Variants in DCPS observed in about 807,000 individuals in gnomAD.
The protein encoded by DCPS is m7GpppX diphosphatase.
A neutral mutation model predicts 34.7 loss-of-function variants in DCPS; 27 were observed. That is an observed-to-expected ratio of 0.78 (90% CI 0.57 to 1.07). The LOEUF is 1.07. Ranked by LOEUF, DCPS falls within the 50% of genes least tolerant of loss-of-function variation. The pLI is 0.00. For missense variants in DCPS, 464 were observed against 436.9 expected (o/e 1.06, Z -0.55); for synonymous variants, 185 against 185.7 (o/e 1.00, Z 0.03).
Position 126,331,113 on chromosome 11 carries a change from C to G in DCPS, c.377-292C>G, listed in dbSNP as rs1004039594. Among the ~76,000 whole-genome samples the G allele has an allele frequency of 6.6e-6, 1 of 152,148 alleles. No homozygotes were observed. Among genetic ancestry groups the G allele is most frequent in the Non-Finnish European group, 1.5e-5 (1 of 68,032 alleles). Reference sequence around the variant, plus strand: ...GGTATGTGAGAAGAGTTAGAGACCTCTCATTCCTGTGCCTGGAAGATGGAG... The same window carrying G: ...GGTATGTGAGAAGAGTTAGAGACCTGTCATTCCTGTGCCTGGAAGATGGAG... On this transcript the variant is annotated intron_variant, in intron 2 of 5. Transcript: ENST00000263579. The surrounding 1 kb of genome is among the most constrained non-coding windows in gnomAD (Gnocchi z 7.2).
Position 126,334,768 on chromosome 11 carries a change from T to G in DCPS, c.522+3218T>G, listed in dbSNP as rs1030333158. 3.3e-5 allele frequency among the ~76,000 whole-genome samples: 5 copies of G among 152,364 alleles called. No homozygotes were observed. In the East Asian group the frequency reaches 7.7e-4, roughly 23 times the overall value. The stretch of plus-strand genomic sequence containing the variant: ...TGGCTCCTTAGATGTGAGGTACTTA[T>G]AACTTCCCAGTAAAAACTGCAGTGG... On this transcript the variant is annotated intron_variant, in intron 3 of 5. Transcript: ENST00000263579. This position sits in a 1 kb window ranked among gnomAD's most constrained non-coding sequence, Gnocchi z 5.5.
At chr11:126,310,024 G>A (rs1190144806) in intron 2 of DCPS, among the ~76,000 whole-genome samples, 1 of 152,158 alleles carries the variant, frequency 6.6e-6, no homozygotes, top group Non-Finnish European at 1.5e-5. Context: ...CTCTGTTCCA[G>A]ATTTTTACCA....
rs774065927 is a variant in DCPS at position 126,304,139 on chromosome 11, C to T, written c.59C>T (p.Ala20Val). The T allele has an allele frequency of 6.2e-7, 1 of 1,614,122 alleles. No individual in the cohort carries two copies. The highest frequency in any genetic ancestry group is 2.2e-5 in the East Asian group (1 of 44,886). The change falls in exon 1 of 6, where the codon GCC (alanine) becomes GTC (valine). Residue 20 changes from alanine (A) to valine (V), a missense_variant. Ala to Val is a moderately conservative substitution (Grantham distance 64, BLOSUM62 0). Transcript: ENST00000263579. ...AAGCGCGAATTGGACGTGGAGGAGG[C>T]CCACGCCGCCAGCACAGAGGAAAAG... ...KRKRELDVEE[A>V]HAASTEEKEA...
At position 126,332,602 on chromosome 11, in the gene DCPS, A is replaced by G. The variant is rs893106186; in HGVS notation, c.522+1052A>G. Among the ~76,000 whole-genome samples the G allele has an allele frequency of 2.6e-5, 4 of 152,082 alleles. No individual in the cohort carries two copies. The highest frequency in any genetic ancestry group is 9.7e-5 in the African/African-American group (4 of 41,400). Reference sequence around the variant, plus strand: ...CTGTGTGTGTGGGCACTGCAAGGTGAATTGTACTTGACAGGAGTAAGGAAA... The same window carrying G: ...CTGTGTGTGTGGGCACTGCAAGGTGGATTGTACTTGACAGGAGTAAGGAAA... On this transcript the variant is annotated intron_variant, in intron 3 of 5. Coordinates refer to ENST00000263579, the MANE Select transcript of DCPS (RefSeq NM_014026.6). The surrounding 1 kb of genome is among the most constrained non-coding windows in gnomAD (Gnocchi z 5.4).
In DCPS at chr11:126,345,026, G is replaced by A. The variant is rs1951906810; in HGVS notation, c.748-321G>A. 1.3e-5 allele frequency among the ~76,000 whole-genome samples: 2 copies of A among 152,196 alleles called. No homozygotes were observed. Among genetic ancestry groups the A allele is most frequent in the Admixed American group, 1.3e-4 (2 of 15,276 alleles). On this transcript the variant is annotated intron_variant, in intron 5 of 5. Transcript: ENST00000263579. The surrounding 1 kb of genome is among the most constrained non-coding windows in gnomAD (Gnocchi z 7.4). ...ATCTGGGGCCTGTCTGTAGACACTGGGCCTTCCAAGATTCCCAGCAGCAAC... is the reference window on the plus strand; with the variant it reads ...ATCTGGGGCCTGTCTGTAGACACTGAGCCTTCCAAGATTCCCAGCAGCAAC...
In DCPS at chr11:126,331,867, G is replaced by A. The variant is rs886297726; in HGVS notation, c.522+317G>A. ...CAATTGCCATTTTATATCGCATGGC[G>A]AGAGAAGGCTTTGGGGGTGGGGGAA... On this transcript the variant is annotated intron_variant, in intron 3 of 5. Transcript: ENST00000263579. This position sits in a 1 kb window ranked among gnomAD's most constrained non-coding sequence, Gnocchi z 7.2. 2.0e-5 allele frequency among the ~76,000 whole-genome samples: 3 copies of A among 152,150 alleles called. No individual in the cohort carries two copies. The highest frequency in any genetic ancestry group is 2.9e-5 in the Non-Finnish European group (2 of 68,042).
At chr11:126,326,361 G>A (rs1001839472) in intron 2 of DCPS, among the ~76,000 whole-genome samples, 2 of 152,146 alleles carry the variant, frequency 1.3e-5, no homozygotes, top group Non-Finnish European at 2.9e-5. Flanking sequence ...TGTGGGTCCC[G>A]GCCCTGAGCA....
At position 126,319,768 on chromosome 11, in the gene DCPS, T is replaced by C. The variant is rs1236491909; in HGVS notation, c.377-11637T>C. Among the ~76,000 whole-genome samples the C allele has an allele frequency of 6.6e-6, 1 of 152,148 alleles. No homozygotes were observed. The highest frequency in any genetic ancestry group is 1.5e-5 in the Non-Finnish European group (1 of 68,030). On this transcript the variant is annotated intron_variant, in intron 2 of 5. Coordinates refer to ENST00000263579, the MANE Select transcript of DCPS (RefSeq NM_014026.6). This position sits in a 1 kb window ranked among gnomAD's most constrained non-coding sequence, Gnocchi z 4.5. The stretch of plus-strand genomic sequence containing the variant: ...ATCTTAGGAACGGCCCGAAAGAGGT[T>C]GGGCCTTTGGGATACGGGAGTATTG...
chr11:126,304,126 G>T lies in DCPS; in HGVS notation c.46G>T (p.Asp16Tyr). The change falls in exon 1 of 6, where the codon GAC becomes TAC. Residue 16 changes from aspartate (D) to tyrosine (Y), a missense_variant. Physicochemically the swap from Asp to Tyr is radical, Grantham distance 160. Transcript: ENST00000263579. Reference protein sequence around the residue: ...PQLGKRKRELDVEEAHAASTE... With the variant: ...PQLGKRKRELYVEEAHAASTE... ...ACTAGGCAAGAGGAAGCGCGAATTG[G>T]ACGTGGAGGAGGCCCACGCCGCCAG... 6.2e-7 allele frequency: 1 copy of T among 1,613,934 alleles called. No individual in the cohort carries two copies. Among genetic ancestry groups the T allele is most frequent in the South Asian group, 1.1e-5 (1 of 91,056 alleles).
At chr11:126,343,443 G>T (rs768293961) in intron 5 of DCPS, 26 bp downstream of exon 5, 21 of 1,562,154 alleles carry the variant, frequency 1.3e-5, no homozygotes, top group Non-Finnish European at 1.8e-5. Flanking sequence ...AAACCACGTG[G>T]AAGCTCAGAG....
chr11:126,304,385 A>C, intron 1 of DCPS, 104 bp downstream of exon 1: 1 of 1,335,000 alleles, frequency 7.5e-7, no homozygotes, highest in East Asian at 2.4e-5. Flanking sequence ...AATACCAATC[A>C]TTATCACTCC....
intron 5 of DCPS, 67 bp downstream of exon 5, chr11:126,343,484 G>A (rs1951893803): frequency 3.0e-6 from 4 of 1,349,242 alleles, no homozygotes; most frequent in Non-Finnish European, 4.1e-6. Flanking sequence ...TGTGTTCCTG[G>A]GCCCCTTTCC....
Position 126,346,533 on chromosome 11 carries a change from G to A in DCPS, c.*920G>A, listed in dbSNP as rs1183771229. On this transcript the variant is annotated 3_prime_UTR_variant, in exon 6 of 6. Coordinates refer to ENST00000263579, the MANE Select transcript of DCPS (RefSeq NM_014026.6). The surrounding 1 kb of genome is among the most constrained non-coding windows in gnomAD (Gnocchi z 4.1). Reference sequence around the variant, plus strand: ...AGGGCTCAAGCGGCGCAGGGACATGGCTTGTATGGGCGGGCACACAAGTAA... The same window carrying A: ...AGGGCTCAAGCGGCGCAGGGACATGACTTGTATGGGCGGGCACACAAGTAA... Among the ~76,000 whole-genome samples the A allele has an allele frequency of 6.6e-6, 1 of 152,242 alleles. No homozygotes were observed. The highest frequency in any genetic ancestry group is 6.5e-5 in the Admixed American group (1 of 15,290).
In DCPS at chr11:126,342,890, C is replaced by T. The variant is rs571122745; in HGVS notation, c.637-417C>T. On this transcript the variant is annotated intron_variant, in intron 4 of 5. Transcript: ENST00000263579. This position sits in a 1 kb window ranked among gnomAD's most constrained non-coding sequence, Gnocchi z 4.4. Reference sequence around the variant, plus strand: ...GTCAGGAGTTTGAGACCAGCCTGGCCAATATGGTGAAACCCCATCTCTACT... The same window carrying T: ...GTCAGGAGTTTGAGACCAGCCTGGCTAATATGGTGAAACCCCATCTCTACT... Among the ~76,000 whole-genome samples the T allele has an allele frequency of 1.4e-4, 21 of 151,866 alleles. No homozygotes were observed. The highest frequency in any genetic ancestry group is 2.9e-4 in the Non-Finnish European group (20 of 67,938).
rs1951961712 is a variant in DCPS at position 126,348,799 on chromosome 11, T to C, written c.*3186T>C. ...CCTGGCCCCTAAGACACTACCTGGCTCAGCAAACCAACCTTTGAGACAAAG... is the reference window on the plus strand; with the variant it reads ...CCTGGCCCCTAAGACACTACCTGGCCCAGCAAACCAACCTTTGAGACAAAG... On this transcript the variant is annotated 3_prime_UTR_variant, in exon 6 of 6. Coordinates refer to ENST00000263579, the MANE Select transcript of DCPS (RefSeq NM_014026.6). The surrounding 1 kb of genome is among the most constrained non-coding windows in gnomAD (Gnocchi z 5.3). Among the ~76,000 whole-genome samples the C allele has an allele frequency of 6.6e-6, 1 of 152,228 alleles. No homozygotes were observed. Among genetic ancestry groups the C allele is most frequent in the Admixed American group, 6.5e-5 (1 of 15,276 alleles).
rs1395421932 is a variant in DCPS, at chr11:126,322,390, A to G, written c.377-9015A>G. Among the ~76,000 whole-genome samples the G allele has an allele frequency of 6.6e-6, 1 of 151,658 alleles. No individual in the cohort carries two copies. The highest frequency in any genetic ancestry group is 2.1e-4 in the South Asian group (1 of 4,798). ...GCAATTCTCCTGTCTCATTCTCTCTAGTAGCTGGGATTACAGGCGCACACC... is the reference window on the plus strand; with the variant it reads ...GCAATTCTCCTGTCTCATTCTCTCTGGTAGCTGGGATTACAGGCGCACACC... On this transcript the variant is annotated intron_variant, in intron 2 of 5. Coordinates refer to ENST00000263579, the MANE Select transcript of DCPS (RefSeq NM_014026.6). The surrounding 1 kb of genome is among the most constrained non-coding windows in gnomAD (Gnocchi z 4.2).
chr11:126,310,557 GT>G (rs1266391634), intron 2 of DCPS, among the ~76,000 whole-genome samples: 1 of 152,208 alleles, frequency 6.6e-6, no homozygotes, highest in East Asian at 1.9e-4. Flanking sequence ...GTCCTCGAAG[GT>G]TGGAGCCATG....
rs1213963334 is a variant in DCPS at position 126,312,469 on chromosome 11, G to A, written c.376+5725G>A. Among the ~76,000 whole-genome samples, 2 of 152,006 alleles carry A rather than the reference G, an allele frequency of 1.3e-5. No homozygotes were observed. The highest frequency in any genetic ancestry group is 2.9e-5 in the Non-Finnish European group (2 of 67,994). ...TTCTCCTGCCTCAGCCTCCTGAGTA[G>A]CTGGGACTACAGGCACCCGCCACCA... is the stretch of plus-strand genomic sequence containing the variant. On this transcript the variant is annotated intron_variant, in intron 2 of 5. Transcript: ENST00000263579. This position sits in a 1 kb window ranked among gnomAD's most constrained non-coding sequence, Gnocchi z 5.1.
Position 126,328,011 on chromosome 11 carries a change from C to G in DCPS, c.377-3394C>G, listed in dbSNP as rs998530338. ...AGCTGACCGAGCCTGAGGAGCTGGC[C>G]TCAGAGCAGAGGCCTGGATGAAGCG... On this transcript the variant is annotated intron_variant, in intron 2 of 5. Transcript: ENST00000263579. The surrounding 1 kb of genome is among the most constrained non-coding windows in gnomAD (Gnocchi z 6.6). Among the ~76,000 whole-genome samples, 3 of 152,204 alleles carry G rather than the reference C, an allele frequency of 2.0e-5. No individual in the cohort carries two copies. The highest frequency in any genetic ancestry group is 7.2e-5 in the African/African-American group (3 of 41,442).
Sources: allele counts gnomAD v4.1 joint callset (sites outside exome capture counted in the v4.1 genomes callset), GRCh38; gene constraint gnomAD v4.1.1; non-coding constraint Gnocchi (gnomAD v3.1); transcripts MANE v1.5; gene names NCBI Gene and HGNC (gene_info 2026-07-23, HGNC 2026-07-21).